NDUFAF6: variants seen among roughly 807,000 people sequenced by gnomAD.
The protein encoded by NDUFAF6 is NADH dehydrogenase (ubiquinone) complex I, assembly factor 6.
A neutral mutation model predicts 40.8 loss-of-function variants in NDUFAF6; 45 were observed. That is an observed-to-expected ratio of 1.10 (90% CI 0.87 to 1.42). The LOEUF is 1.42. Ranked by LOEUF, NDUFAF6 falls within the 40% of genes most tolerant of loss-of-function variation. NDUFAF6 has a pLI of 0.00. For synonymous variants in NDUFAF6, 185 were observed against 155.9 expected (o/e 1.19, Z -1.39); for missense variants, 435 against 418.5 (o/e 1.04, Z -0.34).
chr8:94,970,707 G>A (rs1408307952), intron 1 of NDUFAF6, among the ~76,000 whole-genome samples: 2 of 152,210 alleles, frequency 1.3e-5, no homozygotes, highest in Non-Finnish European at 2.9e-5. Context: ...AAATGCTTGG[G>A]AAGAATTTAT....
downstream of NDUFAF6, among the ~76,000 whole-genome samples, chr8:95,061,799 G>C (rs1261651588): frequency 6.6e-6 from 1 of 152,084 alleles, no homozygotes; most frequent in Non-Finnish European, 1.5e-5. Context: ...TGTAGTATAC[G>C]CTGAAAGATA....
intron 2 of NDUFAF6, among the ~76,000 whole-genome samples, chr8:94,995,747 C>G (rs1424788838): frequency 6.6e-6 from 1 of 152,202 alleles, no homozygotes; most frequent in African/African-American, 2.4e-5. Flanking sequence ...GGATCTCTGG[C>G]CCTGACTTCC....
intron 1 of NDUFAF6, among the ~76,000 whole-genome samples, chr8:94,976,796 T>C (rs946551826): frequency 6.6e-6 from 1 of 152,150 alleles, no homozygotes; most frequent in African/African-American, 2.4e-5. Flanking sequence ...GGTGAAGAAG[T>C]TCTGGAGATC....
intron 1 of NDUFAF6, among the ~76,000 whole-genome samples, chr8:94,970,606 CA>C (rs143873153): frequency 0.13 from 19,678 of 152,018 alleles, 1,615 homozygotes; most frequent in Middle Eastern, 0.23. Flanking sequence ...TTAAAAATAA[CA>C]GAAAATAATC....
At chr8:95,099,840 C>T (rs568199076), upstream of NDUFAF6, among the ~76,000 whole-genome samples, 45 of 152,284 alleles carry the variant, frequency 3.0e-4, no homozygotes, top group African/African-American at 1.0e-3. Flanking sequence ...TGTCTCATCA[C>T]TAAATCGTTT....
intron 2 of NDUFAF6, among the ~76,000 whole-genome samples, chr8:94,997,341 C>CAG (rs1469014187): frequency 0.066 from 6,011 of 91,456 alleles, 116 homozygotes; most frequent in East Asian, 0.11. Flanking sequence ...CACACACACA[C>CAG]ACAGAGAGAG....
At chr8:94,936,806 TC>T (rs1821021942) in intron 1 of NDUFAF6, among the ~76,000 whole-genome samples, 9 of 152,232 alleles carry the variant, frequency 5.9e-5, no homozygotes, top group African/African-American at 1.9e-4. Context: ...GGAGGTGCCA[TC>T]CTGGGTTCAT....
intron 1 of NDUFAF6, chr8:94,941,085 A>G (rs1308553931): frequency 6.5e-6 from 4 of 614,390 alleles, no homozygotes; most frequent in African/African-American, 5.6e-5. Context: ...AAGAAGAGTC[A>G]TTGTACCTAA....
At chr8:94,937,903 C>G (rs1821148362) in intron 1 of NDUFAF6, among the ~76,000 whole-genome samples, 1 of 152,148 alleles carries the variant, frequency 6.6e-6, no homozygotes, top group Non-Finnish European at 1.5e-5. Context: ...TGGGAGTGGA[C>G]TGAGGGAGAG....
intron 5 of NDUFAF6, among the ~76,000 whole-genome samples, chr8:95,046,261 G>A (rs1165068527): frequency 6.6e-6 from 1 of 152,014 alleles, no homozygotes; most frequent in Non-Finnish European, 1.5e-5. Flanking sequence ...AGGCCAGAAT[G>A]GTCTCGATCT....
downstream of NDUFAF6, among the ~76,000 whole-genome samples, chr8:95,105,287 G>A (rs1252845759): frequency 4.6e-5 from 7 of 152,148 alleles, no homozygotes; most frequent in African/African-American, 1.4e-4. Context: ...GTAAGCAGAT[G>A]TCTAGCTGAG....
intron 1 of NDUFAF6, among the ~76,000 whole-genome samples, chr8:94,937,628 C>T (rs1563728100): frequency 6.6e-6 from 1 of 151,984 alleles, no homozygotes; most frequent in Non-Finnish European, 1.5e-5. Flanking sequence ...TTTTTCTTTC[C>T]CACATCACCT....
At chr8:95,051,895 T>C (rs770338006) in intron 7 of NDUFAF6, among the ~76,000 whole-genome samples, 1 of 152,146 alleles carries the variant, frequency 6.6e-6, no homozygotes, top group Non-Finnish European at 1.5e-5. Flanking sequence ...ATTTTCCCCT[T>C]ACCACAGAGC....
intron 3 of NDUFAF6, among the ~76,000 whole-genome samples, chr8:95,041,234 AAGTC>A (rs1434401515): frequency 7.9e-5 from 12 of 152,174 alleles, no homozygotes; most frequent in African/African-American, 2.9e-4. Flanking sequence ...AAAAATAAAA[AAGTC>A]AGGGTATATC....
intron 1 of NDUFAF6, among the ~76,000 whole-genome samples, chr8:94,910,134 G>A (rs1265360640): frequency 6.6e-6 from 1 of 151,940 alleles, no homozygotes. Context: ...GCCCATTTAG[G>A]AACTTTTTTT....
intron 6 of NDUFAF6, among the ~76,000 whole-genome samples, chr8:95,047,879 G>A (rs181069569): frequency 1.3e-4 from 20 of 150,838 alleles, no homozygotes; most frequent in African/African-American, 3.6e-4. Flanking sequence ...TTTCTTGCTT[G>A]TATATTTTCA....
intron 1 of NDUFAF6, chr8:94,926,020 C>T (rs1257896291): frequency 2.0e-5 from 3 of 152,592 alleles, no homozygotes; most frequent in Admixed American, 2.0e-4. Flanking sequence ...ACTGTAACTC[C>T]AGGTAGTGCA....
intron 1 of NDUFAF6, among the ~76,000 whole-genome samples, chr8:94,964,388 C>T (rs1823839102): frequency 6.7e-6 from 1 of 148,662 alleles, no homozygotes; most frequent in African/African-American, 2.5e-5. Context: ...ATGATGATTC[C>T]ACTGCACTCC....
chr8:94,989,735 T>A (rs1826111031), intron 2 of NDUFAF6, among the ~76,000 whole-genome samples: 1 of 152,128 alleles, frequency 6.6e-6, no homozygotes, highest in South Asian at 2.1e-4. Flanking sequence ...GAGTGATAAT[T>A]CTCTTTCACG....
Sources: gnomAD v4.1 joint callset for allele counts (sites outside exome capture counted in the v4.1 genomes callset) on GRCh38, gnomAD v4.1.1 for gene constraint, MANE v1.5 for transcripts, NCBI Gene and HGNC (gene_info 2026-07-23, HGNC 2026-07-21) for gene names.